The following CNTNAP2 variants were observed in gnomAD, a reference collection of about 807,000 sequenced individuals.
The protein encoded by CNTNAP2 is contactin associated protein 2.
CNTNAP2 carries 98 observed loss-of-function variants against 155.2 expected under a neutral mutation model. That is an observed-to-expected ratio of 0.63 (90% CI 0.54 to 0.75). The LOEUF is 0.75. Ranked by LOEUF, CNTNAP2 falls within the 30% of genes least tolerant of loss-of-function variation. The pLI, the probability that CNTNAP2 is intolerant of heterozygous loss-of-function variation, is 0.00. For synonymous variants in CNTNAP2, 651 were observed against 631.2 expected (o/e 1.03, Z -0.47); for missense variants, 1,727 against 1,688.1 (o/e 1.02, Z -0.40).
intron 20 of CNTNAP2, among the ~76,000 whole-genome samples, chr7:148,231,951 G>C (rs147459910): frequency 1.3e-5 from 2 of 152,298 alleles, no homozygotes; most frequent in African/African-American, 4.8e-5. Flanking sequence ...AGAAAAACCT[G>C]GGAAGTGCTT....
At chr7:146,948,371 T>C (rs943313023) in intron 3 of CNTNAP2, among the ~76,000 whole-genome samples, 3 of 130,124 alleles carry the variant, frequency 2.3e-5, no homozygotes, top group Admixed American at 1.5e-4. Context: ...TTGTGGTAAT[T>C]TTTGTTATAA....
At chr7:147,390,108 A>G (rs1014405481) in intron 9 of CNTNAP2, among the ~76,000 whole-genome samples, 1 of 152,176 alleles carries the variant, frequency 6.6e-6, no homozygotes, top group African/African-American at 2.4e-5. Flanking sequence ...CAGAAAATAA[A>G]TAATAGGTTC....
chr7:148,195,383 G>GA (rs1795260816), intron 18 of CNTNAP2, among the ~76,000 whole-genome samples: 1 of 152,154 alleles, frequency 6.6e-6, no homozygotes, highest in Non-Finnish European at 1.5e-5. Context: ...AATAGGAAAA[G>GA]AAAAGACAAG....
chr7:148,409,537 A>T, intron 23 of CNTNAP2, 66 bp downstream of exon 23: 1 of 1,402,526 alleles, frequency 7.1e-7, no homozygotes, highest in Non-Finnish European at 1.0e-6. Flanking sequence ...GTTGTCAATA[A>T]CATAGTAGTC....
intron 1 of CNTNAP2, among the ~76,000 whole-genome samples, chr7:146,479,414 A>G (rs1584944071): frequency 6.6e-6 from 1 of 152,212 alleles, no homozygotes; most frequent in African/African-American, 2.4e-5. Context: ...TCATTTCATT[A>G]AAGTGTTTAA....
At chr7:146,324,132 G>A (rs995474544) in intron 1 of CNTNAP2, among the ~76,000 whole-genome samples, 1 of 152,048 alleles carries the variant, frequency 6.6e-6, no homozygotes, top group Admixed American at 6.6e-5. Flanking sequence ...CATGATGGTG[G>A]GTGCCTGTAA....
intron 1 of CNTNAP2, among the ~76,000 whole-genome samples, chr7:146,168,897 A>C (rs1251659528): frequency 6.6e-6 from 1 of 152,192 alleles, no homozygotes; most frequent in African/African-American, 2.4e-5. Context: ...CAATGTCTTT[A>C]AAGTGACTTA....
At chr7:147,144,140 A>G (rs1212067822) in intron 8 of CNTNAP2, among the ~76,000 whole-genome samples, 2 of 152,178 alleles carry the variant, frequency 1.3e-5, no homozygotes, top group African/African-American at 4.8e-5. Flanking sequence ...GTCTAGTCTG[A>G]CTTGCTTTGT....
intron 1 of CNTNAP2, among the ~76,000 whole-genome samples, chr7:146,149,738 A>T (rs1345579086): frequency 6.6e-6 from 1 of 152,134 alleles, no homozygotes; most frequent in East Asian, 1.9e-4. Context: ...CCATACACAC[A>T]AAAGTAATTA....
chr7:147,680,770 C>T (rs1563050916), intron 13 of CNTNAP2, among the ~76,000 whole-genome samples: 1 of 151,662 alleles, frequency 6.6e-6, no homozygotes, highest in Non-Finnish European at 1.5e-5. Flanking sequence ...CTGTCTCCCT[C>T]TCTATATATA....
chr7:146,146,764 C>T (rs542785298), intron 1 of CNTNAP2, among the ~76,000 whole-genome samples: 1 of 152,116 alleles, frequency 6.6e-6, no homozygotes, highest in Non-Finnish European at 1.5e-5. Flanking sequence ...ATGAACTTTT[C>T]CTGAGGAAGA....
At chr7:148,247,841 A>G (rs1311904038) in intron 20 of CNTNAP2, among the ~76,000 whole-genome samples, 1 of 151,478 alleles carries the variant, frequency 6.6e-6, no homozygotes, top group Non-Finnish European at 1.5e-5. Flanking sequence ...TTTAGTAGAG[A>G]TGAAGTTTCA....
intron 8 of CNTNAP2, among the ~76,000 whole-genome samples, chr7:147,285,471 C>G (rs897344658): frequency 2.6e-5 from 4 of 151,928 alleles, no homozygotes; most frequent in African/African-American, 4.8e-5. Context: ...AATTACATTT[C>G]TGACAATTTT....
At chr7:148,112,867 T>A (rs564609477) in intron 15 of CNTNAP2, among the ~76,000 whole-genome samples, 190 of 150,708 alleles carry the variant, frequency 1.3e-3, no homozygotes, top group African/African-American at 4.4e-3. Context: ...GTTTTTTTTT[T>A]TAAAAAAAAA....
intron 17 of CNTNAP2, among the ~76,000 whole-genome samples, chr7:148,170,434 G>A (rs1460228252): frequency 2.6e-5 from 4 of 152,168 alleles, no homozygotes; most frequent in South Asian, 2.1e-4. Context: ...TCCAAATCAG[G>A]CAAAGGCCCT....
chr7:147,168,115 A>C (rs951428045), intron 8 of CNTNAP2, among the ~76,000 whole-genome samples: 2 of 149,048 alleles, frequency 1.3e-5, no homozygotes, highest in Non-Finnish European at 3.0e-5. Flanking sequence ...TATATCTATG[A>C]CATTAGACAT....
At chr7:147,121,308 G>C in intron 6 of CNTNAP2, 145 bp downstream of exon 6, 1 of 742,646 alleles carries the variant, frequency 1.3e-6, no homozygotes, top group Non-Finnish European at 2.1e-6. Context: ...TTAAAAACCT[G>C]ATTAATTCGT....
At chr7:146,851,296 T>G (rs1209495580) in intron 3 of CNTNAP2, among the ~76,000 whole-genome samples, 6 of 152,276 alleles carry the variant, frequency 3.9e-5, no homozygotes, top group African/African-American at 1.4e-4. Flanking sequence ...TTTTTCTAAT[T>G]TTCAATACAA....
chr7:146,872,721 G>A (rs940561482), intron 3 of CNTNAP2, among the ~76,000 whole-genome samples: 1 of 152,110 alleles, frequency 6.6e-6, no homozygotes, highest in African/African-American at 2.4e-5. Flanking sequence ...TAGCTAGAAG[G>A]CTTAACATCT....
Sources: gnomAD v4.1 joint callset for allele counts (sites outside exome capture counted in the v4.1 genomes callset) on GRCh38, gnomAD v4.1.1 for gene constraint, MANE v1.5 for transcripts, NCBI Gene and HGNC (gene_info 2026-07-23, HGNC 2026-07-21) for gene names.